The following SCN2A variants were observed in gnomAD, a reference collection of about 807,000 sequenced individuals.
SCN2A encodes the protein sodium voltage-gated channel alpha subunit 2.
SCN2A carries 20 observed loss-of-function variants against 188.7 expected under a neutral mutation model. The ratio of observed to expected loss-of-function variants is 0.11; its 90% CI spans 0.07 to 0.15. The LOEUF (loss-of-function observed/expected upper bound fraction) is 0.15, where lower values mean the gene tolerates loss of function less well. Ranked by LOEUF, SCN2A falls within the 10% of genes least tolerant of loss-of-function variation. SCN2A has a pLI of 1.00. For synonymous variants in SCN2A, 804 were observed against 833.1 expected, an observed-to-expected ratio of 0.97 and a Z score of 0.60; for missense variants, 1,278 against 2,445.0, an observed-to-expected ratio of 0.52 and a Z score of 10.07.
chr2:165,302,457 A>C (rs927239023), intron 3 of SCN2A, among the ~76,000 whole-genome samples: 5 of 152,216 alleles, frequency 3.3e-5, no homozygotes, highest in Admixed American at 3.3e-4. Flanking sequence ...ACTCCTCTGC[A>C]ACTTCTCTGG....
chr2:165,377,706 AT>A, intron 23 of SCN2A, 56 bp downstream of exon 23: 1 of 1,392,684 alleles, frequency 7.2e-7, no homozygotes, highest in Non-Finnish European at 1.0e-6. Context: ...TTTCTACAAT[AT>A]TGTAATTTAG....
intron 1 of SCN2A, among the ~76,000 whole-genome samples, chr2:165,253,167 G>T (rs1339217079): frequency 1.3e-5 from 2 of 151,994 alleles, no homozygotes; most frequent in African/African-American, 4.8e-5. Flanking sequence ...TACATAAACT[G>T]GAACAGAAGA....
At chr2:165,374,598 ATT>A (rs1188464996) in intron 21 of SCN2A, 85 bp from the exon 22 acceptor site, 1 of 1,435,082 alleles carries the variant, frequency 7.0e-7, no homozygotes, top group African/African-American at 1.4e-5. Context: ...TTTTTTAATC[ATT>A]TGACTGTTCT....
At chr2:165,287,162 G>A (rs1695876601) in intron 1 of SCN2A, among the ~76,000 whole-genome samples, 1 of 152,206 alleles carries the variant, frequency 6.6e-6, no homozygotes, top group African/African-American at 2.4e-5. Flanking sequence ...GGCCAAGCAG[G>A]CAACTTGAGA....
chr2:165,291,407 CCTTCCTTCCTCCCTGTCTG>C (rs1696124560), intron 1 of SCN2A, among the ~76,000 whole-genome samples: 1 of 123,382 alleles, frequency 8.1e-6, no homozygotes, highest in African/African-American at 3.1e-5. Flanking sequence ...TTCCTTCCTT[CCTTCCTTCCTCCCTGTCTG>C]TCTTTCTTTC....
chr2:165,365,492 GTTTAA>G (rs1213408635), intron 18 of SCN2A, among the ~76,000 whole-genome samples: 2 of 150,566 alleles, frequency 1.3e-5, no homozygotes, highest in Non-Finnish European at 3.0e-5. Context: ...AAAAGGCAAA[GTTTAA>G]TTTATGTAAT....
intron 25 of SCN2A, 54 bp from the exon 26 acceptor site, chr2:165,386,692 A>C: frequency 6.5e-7 from 1 of 1,543,110 alleles, no homozygotes; most frequent in South Asian, 1.1e-5. Flanking sequence ...AGAAGAATTG[A>C]ATTCGATTTT....
At chr2:165,292,416 G>T (rs572052619) in intron 1 of SCN2A, among the ~76,000 whole-genome samples, 54 of 151,994 alleles carry the variant, frequency 3.6e-4, no homozygotes, top group Non-Finnish European at 6.2e-4. Flanking sequence ...GGGCACGATT[G>T]AACCCACCAC....
rs1295045585 is a variant in SCN2A at position 165,241,815 on chromosome 2, G to A, written c.-52+2175G>A. ...TAATGTTAATTTCTGTCCATGGGGGGCTCAGAGGAAAAGATTTTAGGAGGA... is the reference window on the plus strand; with the variant it reads ...TAATGTTAATTTCTGTCCATGGGGGACTCAGAGGAAAAGATTTTAGGAGGA... On this transcript the variant is annotated intron_variant, in intron 1 of 26. Coordinates refer to ENST00000375437, the MANE Select transcript of SCN2A (RefSeq NM_001040142.2). 2.0e-5 allele frequency among the ~76,000 whole-genome samples: 3 copies of A among 152,102 alleles called. No homozygotes were observed. In the South Asian group the frequency reaches 6.2e-4, roughly 32 times the overall value.
chr2:165,260,554 G>A (rs888047742), intron 1 of SCN2A, among the ~76,000 whole-genome samples: 1 of 152,104 alleles, frequency 6.6e-6, no homozygotes, highest in Non-Finnish European at 1.5e-5. Flanking sequence ...TTTTGGAATG[G>A]TAAATGAGCA....
Position 165,291,436 on chromosome 2 carries a change from C to CTCTTTCTTTCTTTCTTTCTTTCTT in SCN2A, c.-51-4303_-51-4280dup, listed in dbSNP as rs1220470911. On this transcript the variant is annotated intron_variant, in intron 1 of 26. Coordinates refer to ENST00000375437, the MANE Select transcript of SCN2A (RefSeq NM_001040142.2). Reference sequence around the variant, plus strand: ...CCTTCCTCCCTGTCTGTCTTTCTTTCTCTTTCTTTCTTTCTTTCTTTCTTT... The same window carrying CTCTTTCTTTCTTTCTTTCTTTCTT: ...CCTTCCTCCCTGTCTGTCTTTCTTTCTCTTTCTTTCTTTCTTTCTTTCTTTCTTTCTTTCTTTCTTTCTTTCTTT... Among the ~76,000 whole-genome samples the CTCTTTCTTTCTTTCTTTCTTTCTT allele has an allele frequency of 1.2e-4, 8 of 65,434 alleles. 1 individual carries two copies. The highest frequency in any genetic ancestry group is 7.4e-4 in the Admixed American group (4 of 5,434). 42.9% of individuals were successfully genotyped at this position (65,434 alleles called of 152,430 possible).
intron 1 of SCN2A, among the ~76,000 whole-genome samples, chr2:165,286,431 T>G (rs2106128842): frequency 6.6e-6 from 1 of 152,336 alleles, no homozygotes; most frequent in East Asian, 1.9e-4. Flanking sequence ...TGGTAGAGAA[T>G]TTTGTAATAA....
intron 25 of SCN2A, among the ~76,000 whole-genome samples, chr2:165,385,087 A>C (rs1003963903): frequency 6.6e-6 from 1 of 152,186 alleles, no homozygotes; most frequent in African/African-American, 2.4e-5. Flanking sequence ...ATACGCATTC[A>C]GAGAAAAGAG....
At chr2:165,262,598 AATT>A (rs534416559) in intron 1 of SCN2A, among the ~76,000 whole-genome samples, 145 of 152,078 alleles carry the variant, frequency 9.5e-4, no homozygotes, top group Non-Finnish European at 1.5e-3. Flanking sequence ...GTATATGTAT[AATT>A]ATATATGTAT....
chr2:165,250,489 T>TCA lies in SCN2A; in HGVS notation c.-52+10880_-52+10881dup, dbSNP rs3029614. Reference sequence around the variant, plus strand: ...GGAAACGGTGCCCTCTTGCTCTATTTCACACACACACACACACACACACAC... The same window carrying TCA: ...GGAAACGGTGCCCTCTTGCTCTATTTCACACACACACACACACACACACACAC... On this transcript the variant is annotated intron_variant, in intron 1 of 26. Coordinates refer to ENST00000375437, the MANE Select transcript of SCN2A (RefSeq NM_001040142.2). Among the ~76,000 whole-genome samples the TCA allele has an allele frequency of 9.4e-3, 1,388 of 148,294 alleles. 16 individuals are homozygous for TCA. Among genetic ancestry groups the TCA allele is most frequent in the African/African-American group, 0.026 (1,064 of 40,434 alleles).
intron 1 of SCN2A, chr2:165,245,444 G>T (rs757696837): frequency 2.0e-5 from 3 of 152,318 alleles, no homozygotes; most frequent in Admixed American, 6.5e-5. Flanking sequence ...CAGCCATGCA[G>T]CACTGTGAGT....
Position 165,339,228 on chromosome 2 carries a change from C to CA in SCN2A, c.2389-3055dup, listed in dbSNP as rs5836027. On this transcript the variant is annotated intron_variant, in intron 14 of 26. Transcript: ENST00000375437. The stretch of plus-strand genomic sequence containing the variant: ...GGGCAACAAGAGTGAAACTCTGTCT[C>CA]AAAAAAAAAAAAAGAAAAAGAAAGA... Among the ~76,000 whole-genome samples, 1,109 of 138,660 alleles carry CA rather than the reference C, an allele frequency of 8.0e-3. 11 individuals are homozygous for CA. The highest frequency in any genetic ancestry group is 0.031 in the Admixed American group (429 of 13,884). 91.0% of individuals were successfully genotyped at this position (138,660 alleles called of 152,430 possible).
chr2:165,359,455 G>T (rs993054287), intron 17 of SCN2A, among the ~76,000 whole-genome samples: 1 of 152,008 alleles, frequency 6.6e-6, no homozygotes, highest in African/African-American at 2.4e-5. Flanking sequence ...GATTCAGCTG[G>T]AGTAAAGGTG....
intron 26 of SCN2A, 55 bp from the exon 27 acceptor site, chr2:165,388,574 T>C (rs1444356410): frequency 1.2e-6 from 2 of 1,610,468 alleles, no homozygotes; most frequent in African/African-American, 1.3e-5. Context: ...ATGTAAACTT[T>C]CATTTGCTAC....
Sources: gnomAD v4.1 joint callset for allele counts (sites outside exome capture counted in the v4.1 genomes callset) on GRCh38, gnomAD v4.1.1 for gene constraint, MANE v1.5 for transcripts, NCBI Gene and HGNC (gene_info 2026-07-23, HGNC 2026-07-21) for gene names.